TMEM272: variants seen among roughly 807,000 people sequenced by gnomAD.
The protein encoded by TMEM272 is long intergenic non-protein coding RNA 282.
In TMEM272, 8 loss-of-function variants were observed where a neutral mutation model predicts 3.7. The ratio of observed to expected loss-of-function variants is 2.17; its 90% confidence interval spans 1.27 to 3.91. The LOEUF is 3.91. Among genes scored for constraint, TMEM272 ranks in the 30% most tolerant of loss-of-function variants. The pLI, the probability that TMEM272 is intolerant of heterozygous loss-of-function variation, is 0.00. For missense variants in TMEM272, 166 were observed against 91.5 expected, an observed-to-expected ratio of 1.81 and a Z score of -3.32; for synonymous variants, 63 against 39.8, an observed-to-expected ratio of 1.58 and a Z score of -2.20.
At chr13:51,911,043 G>A in the TMEM272 span, among the ~76,000 whole-genome samples, 1 of 152,186 alleles carries the variant, frequency 6.6e-6, no homozygotes, top group African/African-American at 2.4e-5. Flanking sequence ...GTTTTAAGTC[G>A]CTAAGCTTTG....
At chr13:51,900,512 T>G in the TMEM272 span, among the ~76,000 whole-genome samples, 1 of 152,198 alleles carries the variant, frequency 6.6e-6, no homozygotes, top group Non-Finnish European at 1.5e-5. Context: ...CATGCATCAT[T>G]GATGGGATCA....
chr13:51,818,531 A>G (rs1956053581), intron 4 of TMEM272, among the ~76,000 whole-genome samples: 1 of 152,198 alleles, frequency 6.6e-6, no homozygotes, highest in South Asian at 2.1e-4. Flanking sequence ...ATGTTGTACA[A>G]AAATAGACCC....
chr13:51,886,434 T>C, the TMEM272 span, among the ~76,000 whole-genome samples: 3 of 152,148 alleles, frequency 2.0e-5, no homozygotes, highest in Non-Finnish European at 2.9e-5. Flanking sequence ...CTTATATTAT[T>C]CCCATTTTAA....
chr13:51,873,656 C>T, the TMEM272 span, among the ~76,000 whole-genome samples: 2 of 152,310 alleles, frequency 1.3e-5, no homozygotes, highest in African/African-American at 2.4e-5. Flanking sequence ...TGTGTCACTA[C>T]AGTAATTGGG....
chr13:51,878,316 G>C, the TMEM272 span, among the ~76,000 whole-genome samples: 1 of 152,166 alleles, frequency 6.6e-6, no homozygotes, highest in Non-Finnish European at 1.5e-5. Context: ...TGTAGTCTCA[G>C]GTACTCAGGA....
At chr13:51,825,765 T>C (rs1480024653) in intron 3 of TMEM272, among the ~76,000 whole-genome samples, 2 of 152,004 alleles carry the variant, frequency 1.3e-5, no homozygotes. Context: ...CCAGCTAATT[T>C]TTAAGTCAAG....
At chr13:51,857,288 A>G in the TMEM272 span, among the ~76,000 whole-genome samples, 1 of 152,058 alleles carries the variant, frequency 6.6e-6, no homozygotes, top group African/African-American at 2.4e-5. Context: ...ATAAACAGTG[A>G]GAGATTTCAT....
the TMEM272 span, chr13:51,865,626 T>C: frequency 6.2e-7 from 1 of 1,614,032 alleles, no homozygotes; most frequent in African/African-American, 1.3e-5. Flanking sequence ...CGGGGCCAGA[T>C]CCTGGGTTTT....
At chr13:51,926,562 G>C in the TMEM272 span, among the ~76,000 whole-genome samples, 1 of 142,440 alleles carries the variant, frequency 7.0e-6, no homozygotes, top group Non-Finnish European at 1.5e-5. Context: ...AGGAAGAAGG[G>C]AAGAGCCCGT....
chr13:51,897,225 T>C, the TMEM272 span, among the ~76,000 whole-genome samples: 1 of 152,168 alleles, frequency 6.6e-6, no homozygotes, highest in Admixed American at 6.5e-5. Context: ...ACATTGTCTT[T>C]TTTTTATTTT....
At chr13:51,902,487 T>C in the TMEM272 span, among the ~76,000 whole-genome samples, 7 of 152,226 alleles carry the variant, frequency 4.6e-5, no homozygotes, top group Non-Finnish European at 1.0e-4. Context: ...AAAGTTATTT[T>C]ATTAAATACA....
intron 2 of TMEM272, among the ~76,000 whole-genome samples, chr13:51,837,388 G>C (rs1304303751): frequency 6.6e-6 from 1 of 152,114 alleles, no homozygotes; most frequent in African/African-American, 2.4e-5. Flanking sequence ...TTTTCATCCT[G>C]CCAGAGCATC....
rs1238971262 is a variant in TMEM272, at chr13:51,826,584, G to A, written c.100C>T (p.Leu34=). ...VVLCAFLALP[L]SMTFIGMKFL... ...AGCTTACCTATGAAGGTCATGGACAGCGGCAGAGCCAGGAAAGCACAGAGC... is the reference window on the plus strand; with the variant it reads ...AGCTTACCTATGAAGGTCATGGACAACGGCAGAGCCAGGAAAGCACAGAGC... Residue 34 remains leucine, a synonymous_variant, in exon 3 of 5, where the codon CTG becomes TTG. Coordinates refer to ENST00000629372, the MANE Select transcript of TMEM272 (RefSeq NM_001351003.2). The A allele has an allele frequency of 1.4e-6, 1 of 702,514 alleles. No homozygotes were observed. Among genetic ancestry groups the A allele is most frequent in the Non-Finnish European group, 2.6e-6 (1 of 385,018 alleles). The allele number at this position is 702,514 out of a possible 1,614,324, so 43.5% of individuals were successfully genotyped here. A position where few individuals can be genotyped will look rare whatever the true frequency, so the allele number is the denominator to read the frequency against.
the TMEM272 span, among the ~76,000 whole-genome samples, chr13:51,867,826 G>A: frequency 1.3e-5 from 2 of 152,140 alleles, no homozygotes; most frequent in Non-Finnish European, 2.9e-5. Context: ...GATTTCAAGA[G>A]GGCTGCCAGG....
the TMEM272 span, among the ~76,000 whole-genome samples, chr13:51,923,563 G>A: frequency 6.6e-6 from 1 of 152,140 alleles, no homozygotes; most frequent in African/African-American, 2.4e-5. Context: ...TTTGGGGCTG[G>A]CGCTGTGGAC....
At chr13:51,866,492 T>G in the TMEM272 span, among the ~76,000 whole-genome samples, 1 of 152,174 alleles carries the variant, frequency 6.6e-6, no homozygotes, top group Non-Finnish European at 1.5e-5. Context: ...GGGAGGTCAC[T>G]TCTCCTTCAC....
chr13:51,912,799 T>C, the TMEM272 span, among the ~76,000 whole-genome samples: 1 of 152,258 alleles, frequency 6.6e-6, no homozygotes, highest in Non-Finnish European at 1.5e-5. Flanking sequence ...GGCACACAGT[T>C]CACATTTAAT....
At chr13:51,826,104 C>T (rs59968555) in intron 3 of TMEM272, among the ~76,000 whole-genome samples, 13 of 139,428 alleles carry the variant, frequency 9.3e-5, no homozygotes, top group South Asian at 6.7e-4. Context: ...GTTTAATATA[C>T]GTGATTTATG....
intron 3 of TMEM272, among the ~76,000 whole-genome samples, chr13:51,823,644 T>C (rs901012071): frequency 6.6e-6 from 1 of 152,242 alleles, no homozygotes; most frequent in Admixed American, 6.5e-5. Flanking sequence ...GACTAACACA[T>C]CTGTCAACAG....
Sources: gnomAD v4.1 joint callset for allele counts (sites outside exome capture counted in the v4.1 genomes callset) on GRCh38, gnomAD v4.1.1 for gene constraint, MANE v1.5 for transcripts, NCBI Gene and HGNC (gene_info 2026-07-23, HGNC 2026-07-21) for gene names.